PKIA: variants seen among roughly 807,000 people sequenced by gnomAD.
The protein encoded by PKIA is cAMP-dependent protein kinase inhibitor alpha, also known as PKI-alpha.
PKIA carries 4 observed loss-of-function variants against 7.6 expected under a neutral mutation model. That is an observed-to-expected ratio of 0.52 (90% CI 0.26 to 1.20). PKIA has a LOEUF of 1.20. Among genes scored for constraint, PKIA ranks in the 50% most tolerant of loss-of-function variants. The pLI, the probability that PKIA is intolerant of heterozygous loss-of-function variation, is 0.13. For synonymous variants in PKIA, 21 were observed against 30.7 expected (o/e 0.68, Z 1.04); for missense variants, 73 against 86.2 (o/e 0.85, Z 0.61).
intron 2 of PKIA, among the ~76,000 whole-genome samples, chr8:78,575,565 A>T (rs1807653981): frequency 1.3e-5 from 2 of 152,092 alleles, no homozygotes; most frequent in African/African-American, 4.8e-5. Flanking sequence ...ATTCTTAACA[A>T]TGTTTTATGA....
chr8:78,551,939 T>C (rs76231793), intron 1 of PKIA, among the ~76,000 whole-genome samples: 1 of 151,998 alleles, frequency 6.6e-6, no homozygotes, highest in Non-Finnish European at 1.5e-5. Context: ...ACTCCTATTA[T>C]GTGCTGGAGA....
intron 1 of PKIA, among the ~76,000 whole-genome samples, chr8:78,568,940 C>G (rs1478767145): frequency 6.6e-6 from 1 of 152,140 alleles, no homozygotes; most frequent in Non-Finnish European, 1.5e-5. Context: ...GTGGTTCCCC[C>G]ACCAGAGTTG....
At chr8:78,536,721 C>T (rs1020732659) in intron 1 of PKIA, among the ~76,000 whole-genome samples, 1 of 151,886 alleles carries the variant, frequency 6.6e-6, no homozygotes, top group Non-Finnish European at 1.5e-5. Flanking sequence ...TCTTTGACCC[C>T]GAATAGTCCA....
At chr8:78,517,748 T>C (rs1364131070) in intron 1 of PKIA, among the ~76,000 whole-genome samples, 1 of 152,200 alleles carries the variant, frequency 6.6e-6, no homozygotes, top group Non-Finnish European at 1.5e-5. Flanking sequence ...CCTAGAGATG[T>C]ACATTTGAAT....
chr8:78,536,414 G>T lies in PKIA; in HGVS notation c.-157+19946G>T, dbSNP rs975828209. On this transcript the variant is annotated intron_variant, in intron 1 of 3. Transcript: ENST00000396418. ...ATAAAGGAAAACCATCTGAGCTCTGGTTAGAGACTCTGGAAGTAGTGAGCA... is the reference window on the plus strand; with the variant it reads ...ATAAAGGAAAACCATCTGAGCTCTGTTTAGAGACTCTGGAAGTAGTGAGCA... Among the ~76,000 whole-genome samples, 32 of 152,160 alleles carry T rather than the reference G, an allele frequency of 2.1e-4. 1 individual carries two copies. Among genetic ancestry groups the T allele is most frequent in the Admixed American group, 1.9e-3 (29 of 15,260 alleles).
chr8:78,587,461 G>T (rs761851231), intron 2 of PKIA, among the ~76,000 whole-genome samples: 1 of 152,114 alleles, frequency 6.6e-6, no homozygotes, highest in Admixed American at 6.6e-5. Context: ...TAATGTGCAG[G>T]TAATATTACT....
intron 1 of PKIA, among the ~76,000 whole-genome samples, chr8:78,544,073 A>G (rs1308953639): frequency 2.0e-5 from 3 of 152,154 alleles, no homozygotes; most frequent in Non-Finnish European, 4.4e-5. Flanking sequence ...CCCATTTACT[A>G]TAATATACTT....
chr8:78,596,325 C>T (rs1305455148), intron 2 of PKIA, among the ~76,000 whole-genome samples: 3 of 152,108 alleles, frequency 2.0e-5, no homozygotes, highest in Non-Finnish European at 2.9e-5. Context: ...CTGTGATCTC[C>T]GCCTCCCGGG....
At chr8:78,531,579 C>T (rs565779654) in intron 1 of PKIA, among the ~76,000 whole-genome samples, 7 of 152,170 alleles carry the variant, frequency 4.6e-5, no homozygotes, top group African/African-American at 1.4e-4. Flanking sequence ...ATTATTATTA[C>T]CTTTTTGACA....
chr8:78,540,802 C>G (rs1806667438), intron 1 of PKIA, among the ~76,000 whole-genome samples: 1 of 151,720 alleles, frequency 6.6e-6, no homozygotes, highest in Admixed American at 6.6e-5. Context: ...ATCTGTATTA[C>G]ATATAATTAT....
intron 2 of PKIA, among the ~76,000 whole-genome samples, chr8:78,576,347 T>C (rs1252485428): frequency 6.6e-6 from 1 of 152,092 alleles, no homozygotes; most frequent in African/African-American, 2.4e-5. Context: ...TTCTCATTGT[T>C]ATTTAAGTTC....
intron 1 of PKIA, among the ~76,000 whole-genome samples, chr8:78,523,824 T>C (rs1234298720): frequency 6.7e-6 from 1 of 148,426 alleles, no homozygotes; most frequent in Non-Finnish European, 1.5e-5. Flanking sequence ...TTCTAAAGAG[T>C]AACTATGGTA....
At chr8:78,563,386 T>C (rs768926609) in intron 1 of PKIA, among the ~76,000 whole-genome samples, 24 of 152,112 alleles carry the variant, frequency 1.6e-4, no homozygotes, top group Non-Finnish European at 2.5e-4. Context: ...TTATGAGAAT[T>C]AAATGTGGAG....
chr8:78,537,888 T>C (rs2118394538), intron 1 of PKIA, among the ~76,000 whole-genome samples: 1 of 152,228 alleles, frequency 6.6e-6, no homozygotes, highest in African/African-American at 2.4e-5. Context: ...CTTCATGTTT[T>C]CTTGCTTTAA....
intron 2 of PKIA, among the ~76,000 whole-genome samples, chr8:78,587,337 T>C (rs1380298656): frequency 6.6e-6 from 1 of 152,218 alleles, no homozygotes; most frequent in African/African-American, 2.4e-5. Flanking sequence ...TTAATGCTTT[T>C]GTGATTTTGA....
At chr8:78,596,137 G>A (rs575087268) in intron 2 of PKIA, among the ~76,000 whole-genome samples, 2 of 152,000 alleles carry the variant, frequency 1.3e-5, no homozygotes, top group Admixed American at 6.6e-5. Flanking sequence ...CCAGTTTTTC[G>A]TATGCTTGTT....
chr8:78,589,123 G>A (rs1290726425), intron 2 of PKIA, among the ~76,000 whole-genome samples: 1 of 152,004 alleles, frequency 6.6e-6, no homozygotes, highest in East Asian at 1.9e-4. Context: ...GTGGGCAAAA[G>A]GACTCTTGAA....
chr8:78,564,068 T>TG (rs1807347407), intron 1 of PKIA, among the ~76,000 whole-genome samples: 1 of 152,002 alleles, frequency 6.6e-6, no homozygotes, highest in Non-Finnish European at 1.5e-5. Context: ...GTGGGCCATT[T>TG]ACTGGCTTCT....
intron 1 of PKIA, among the ~76,000 whole-genome samples, chr8:78,521,411 A>G (rs1158049204): frequency 6.6e-6 from 1 of 152,076 alleles, no homozygotes; most frequent in Non-Finnish European, 1.5e-5. Context: ...AAATGCATTC[A>G]GATTCTCAGC....
Sources: gnomAD v4.1 joint callset for allele counts (sites outside exome capture counted in the v4.1 genomes callset) on GRCh38, gnomAD v4.1.1 for gene constraint, MANE v1.5 for transcripts, NCBI Gene and HGNC (gene_info 2026-07-23, HGNC 2026-07-21) for gene names.